The following PPFIA1 variants were observed in gnomAD, a reference collection of about 807,000 sequenced individuals.
PPFIA1 encodes liprin-alpha-1.
A neutral mutation model predicts 149.9 loss-of-function variants in PPFIA1; 25 were observed. The ratio of observed to expected loss-of-function variants is 0.17; its 90% CI spans 0.12 to 0.23. PPFIA1 has a LOEUF of 0.23. Among genes scored for constraint, PPFIA1 ranks in the 10% least tolerant of loss-of-function variants. PPFIA1 has a pLI of 1.00. For missense variants in PPFIA1, 1,362 were observed against 1,506.5 expected (o/e 0.90, Z 1.59); for synonymous variants, 549 against 552.8 (o/e 0.99, Z 0.10).
chr11:70,314,815 C>T (rs915447409), intron 2 of PPFIA1, among the ~76,000 whole-genome samples: 6 of 152,022 alleles, frequency 3.9e-5, no homozygotes, highest in South Asian at 2.1e-4. Context: ...GTTCTCACAC[C>T]GCTATGAAAA....
chr11:70,362,404 C>T lies in PPFIA1; in HGVS notation c.2781C>T (p.Asn927=). Residue 927 remains asparagine, a synonymous_variant, in exon 21 of 28, where the codon AAC becomes AAT. Coordinates refer to ENST00000253925, the MANE Select transcript of PPFIA1 (RefSeq NM_003626.5). ...TCCAGCGTGAGATTGGCATCAGCAA[C>T]CCCCTGCACAGGCTGAAGCTGAGGC... is the stretch of plus-strand genomic sequence containing the variant. The part of the protein sequence containing the change: ...TEIQREIGIS[N]PLHRLKLRLA... 6.2e-7 allele frequency: 1 copy of T among 1,614,152 alleles called. No individual in the cohort carries two copies.
intron 7 of PPFIA1, chr11:70,329,743 T>C (rs1392653537): frequency 6.5e-6 from 1 of 153,522 alleles, no homozygotes; most frequent in Non-Finnish European, 1.4e-5. Context: ...GCCTGGGCGA[T>C]ATAGTAAGAC....
Position 70,372,477 on chromosome 11 carries a change from A to T in PPFIA1, c.3042A>T (p.Arg1014Ser). The T allele has an allele frequency of 6.2e-7, 1 of 1,613,834 alleles. No individual in the cohort carries two copies. The highest frequency in any genetic ancestry group is 8.5e-7 in the Non-Finnish European group (1 of 1,179,732). ...GQLKMVDSFH[R>S]NSFQCGIMCL... ...ATCATCTCTCTTTTCTTCCAAATAG[A>T]AACAGTTTCCAGTGTGGAATTATGT... The change falls in exon 23 of 28, where the codon AGA becomes AGT. Residue 1014 changes from arginine to serine, a missense_variant and splice_region_variant. Arg to Ser is a moderately radical substitution (Grantham distance 110). Around this residue, in one of 7 missense-constraint regions of PPFIA1, gnomAD observed 349 missense variants for 373.3 expected, o/e 0.93. Transcript: ENST00000253925.
chr11:70,333,295 T>C (rs59681006), intron 9 of PPFIA1, among the ~76,000 whole-genome samples, 175 bp from the exon 10 acceptor site: 34,818 of 152,124 alleles, frequency 0.23, 5,881 homozygotes, highest in African/African-American at 0.47. Context: ...AGCCACCTCA[T>C]GGCCCAGCAC....
Position 70,330,204 on chromosome 11 carries a change from G to C in PPFIA1, c.962G>C (p.Arg321Thr). Reference protein sequence around the residue: ...AMAQKEDMEERITTLEKRYLA... With the variant: ...AMAQKEDMEETITTLEKRYLA... ...GCCCAAAAGGAAGATATGGAAGAGA[G>C]AATCACTACTCTTGAAAAACGCTAC... Residue 321 changes from arginine to threonine, a missense_variant, in exon 8 of 28, where the codon AGA becomes ACA. Coordinates refer to ENST00000253925, the MANE Select transcript of PPFIA1 (RefSeq NM_003626.5). 6.2e-7 allele frequency: 1 copy of C among 1,602,136 alleles called. No homozygotes were observed. Among genetic ancestry groups the C allele is most frequent in the Non-Finnish European group, 8.5e-7 (1 of 1,175,602 alleles).
intron 2 of PPFIA1, among the ~76,000 whole-genome samples, chr11:70,307,959 C>T (rs144413976): frequency 1.3e-4 from 20 of 152,314 alleles, no homozygotes; most frequent in Non-Finnish European, 2.4e-4. Context: ...TCCTAATCCC[C>T]TTTCCTTTGC....
At chr11:70,318,492 G>T (rs892347207) in intron 2 of PPFIA1, among the ~76,000 whole-genome samples, 11 of 152,118 alleles carry the variant, frequency 7.2e-5, no homozygotes, top group Admixed American at 5.9e-4. Flanking sequence ...CTCCCCACTG[G>T]ATTCTTGCCC....
chr11:70,360,712 A>G (rs1050365400), intron 19 of PPFIA1, among the ~76,000 whole-genome samples: 9 of 152,242 alleles, frequency 5.9e-5, no homozygotes, highest in Admixed American at 5.2e-4. Context: ...TTGCGATACC[A>G]CTTCATACTC....
chr11:70,367,739 C>T, intron 21 of PPFIA1: 1 of 378,938 alleles, frequency 2.6e-6, no homozygotes. Flanking sequence ...TAGGGTTCTG[C>T]TTCCATGCAG....
At chr11:70,377,676 TAAAAATG>T (rs2057542406) in intron 25 of PPFIA1, among the ~76,000 whole-genome samples, 1 of 152,044 alleles carries the variant, frequency 6.6e-6, no homozygotes, top group South Asian at 2.1e-4. Context: ...AAAACATAAA[TAAAAATG>T]AAAAATAAAC....
At chr11:70,281,724 A>G (rs2050769930) in intron 2 of PPFIA1, among the ~76,000 whole-genome samples, 2 of 152,202 alleles carry the variant, frequency 1.3e-5, no homozygotes, top group South Asian at 2.1e-4. Flanking sequence ...ATGCACTGAC[A>G]GAAAGAGTGG....
rs975906615 is a variant in PPFIA1, at chr11:70,375,165, G to A, written c.3315+72G>A. 11 of 388,314 alleles carry A rather than the reference G, an allele frequency of 2.8e-5. No individual in the cohort carries two copies. In the Admixed American group the frequency reaches 3.6e-4, roughly 13 times the overall value. 24.1% of individuals were successfully genotyped at this position (388,314 alleles called of 1,614,324 possible). A position where few individuals can be genotyped will look rare whatever the true frequency, so the allele number is the denominator to read the frequency against. The stretch of plus-strand genomic sequence containing the variant: ...CCTGATTATAGACAGCTAGTTATTC[G>A]AATAGAAAGAAACTTTAAAAAAAAA... On this transcript the variant is annotated intron_variant, in intron 24 of 27. Coordinates refer to ENST00000253925, the MANE Select transcript of PPFIA1 (RefSeq NM_003626.5).
intron 14 of PPFIA1, chr11:70,342,142 A>T (rs1387280906): frequency 6.6e-6 from 1 of 152,564 alleles, no homozygotes; most frequent in African/African-American, 2.4e-5. Context: ...TGGTGTTTTA[A>T]GGTGAGATGG....
chr11:70,379,899 T>A (rs2057640783), intron 26 of PPFIA1, among the ~76,000 whole-genome samples: 1 of 152,196 alleles, frequency 6.6e-6, no homozygotes, highest in Admixed American at 6.5e-5. Context: ...AACTAGGAAC[T>A]TTTTACAAAT....
chr11:70,377,805 C>T (rs756169052), intron 25 of PPFIA1, among the ~76,000 whole-genome samples: 4 of 152,172 alleles, frequency 2.6e-5, no homozygotes, highest in Non-Finnish European at 5.9e-5. Flanking sequence ...GGCCCAGCAC[C>T]GACCTCATTT....
At chr11:70,296,025 G>A (rs1264389466) in intron 2 of PPFIA1, among the ~76,000 whole-genome samples, 72 of 149,560 alleles carry the variant, frequency 4.8e-4, no homozygotes, top group East Asian at 2.8e-3. Flanking sequence ...GGGCAGAGGC[G>A]CTCCTCACAT....
intron 23 of PPFIA1, among the ~76,000 whole-genome samples, chr11:70,373,172 G>A (rs919911292): frequency 6.6e-6 from 1 of 152,174 alleles, no homozygotes; most frequent in Non-Finnish European, 1.5e-5. Context: ...TCTCTTCTCC[G>A]TTGGGGAGTC....
At chr11:70,352,804 C>T (rs112105620) in intron 16 of PPFIA1, among the ~76,000 whole-genome samples, 1,447 of 87,154 alleles carry the variant, frequency 0.017, 35 homozygotes, top group African/African-American at 0.073. Flanking sequence ...GGTGGGAGGG[C>T]GGCGTGTGGA....
intron 2 of PPFIA1, among the ~76,000 whole-genome samples, chr11:70,289,247 A>G (rs1021875580): frequency 2.6e-5 from 4 of 152,122 alleles, no homozygotes; most frequent in African/African-American, 9.7e-5. Context: ...CTGGGATTGC[A>G]GGCATGAGCC....
Sources: gnomAD v4.1 joint callset for allele counts (sites outside exome capture counted in the v4.1 genomes callset) on GRCh38, gnomAD v4.1.1 for gene constraint, gnomAD v4.1.1 regional missense constraint, MANE v1.5 for transcripts, NCBI Gene and HGNC (gene_info 2026-07-23, HGNC 2026-07-21) for gene names.